DLGAP2: variants seen among roughly 807,000 people sequenced by gnomAD.
DLGAP2 encodes disks large-associated protein 2.
Under a neutral mutation model 100.3 loss-of-function variants are expected in DLGAP2, and 26 were observed. The ratio of observed to expected loss-of-function variants is 0.26; its 90% CI spans 0.19 to 0.36. The LOEUF is 0.36. Ranked by LOEUF, DLGAP2 falls within the 10% of genes least tolerant of loss-of-function variation. DLGAP2 has a pLI of 1.00. For missense variants in DLGAP2, 1,858 were observed against 1,453.2 expected (o/e 1.28, Z -4.53); for synonymous variants, 886 against 630.1 (o/e 1.41, Z -6.08).
At chr8:1,140,882 G>C (rs997328903) in intron 2 of DLGAP2, among the ~76,000 whole-genome samples, 9 of 152,206 alleles carry the variant, frequency 5.9e-5, no homozygotes, top group African/African-American at 2.2e-4. Flanking sequence ...CAAGGCAGGA[G>C]AATCGGCAGA....
intron 2 of DLGAP2, among the ~76,000 whole-genome samples, chr8:1,010,011 TA>T: frequency 6.6e-6 from 1 of 152,240 alleles, no homozygotes; most frequent in Non-Finnish European, 1.5e-5. Context: ...AGGTACACCT[TA>T]TGCTAAAAAG....
chr8:1,192,825 C>T (rs1038850444), intron 2 of DLGAP2, among the ~76,000 whole-genome samples: 5 of 151,906 alleles, frequency 3.3e-5, no homozygotes, highest in Non-Finnish European at 5.9e-5. Flanking sequence ...CTCCCCACTC[C>T]CCCCACCCCA....
At chr8:1,176,334 C>G (rs11988562) in intron 2 of DLGAP2, among the ~76,000 whole-genome samples, 28,287 of 152,084 alleles carry the variant, frequency 0.19, 2,817 homozygotes, top group Middle Eastern at 0.35. Context: ...TCGCTCCACA[C>G]ATGGGGATTA....
intron 4 of DLGAP2, among the ~76,000 whole-genome samples, chr8:1,531,233 A>AGTGTGT (rs771634448): frequency 6.0e-5 from 7 of 116,728 alleles, no homozygotes; most frequent in African/African-American, 3.3e-4. Flanking sequence ...ATTATTAGAG[A>AGTGTGT]GCGTGTGCGT....
At chr8:1,184,758 C>T (rs902460082) in intron 2 of DLGAP2, among the ~76,000 whole-genome samples, 3 of 152,168 alleles carry the variant, frequency 2.0e-5, no homozygotes, top group African/African-American at 7.2e-5. Context: ...GGGAGGCAAG[C>T]ATGCTGGTGA....
At position 1,261,133 on chromosome 8, in the gene DLGAP2, G is replaced by T. The variant is rs140436438; in HGVS notation, c.106+2250G>T. Among the ~76,000 whole-genome samples the T allele has an allele frequency of 6.2e-3, 943 of 151,208 alleles. 7 individuals carry two copies. The highest frequency in any genetic ancestry group is 0.022 in the African/African-American group (899 of 41,426). On this transcript the variant is annotated intron_variant, in intron 3 of 14. Transcript: ENST00000637795. ...ACTTCCAGATCTTTAAAACCAGACA[G>T]ACTGGGAGGGCAGGTCAGCTTCCAG...
At chr8:1,660,491 T>C (rs893709707) in intron 8 of DLGAP2, among the ~76,000 whole-genome samples, 1 of 152,322 alleles carries the variant, frequency 6.6e-6, no homozygotes, top group Admixed American at 6.5e-5. Flanking sequence ...GTCCCTGGTC[T>C]TCACACACAG....
intron 4 of DLGAP2, among the ~76,000 whole-genome samples, chr8:1,507,198 G>C (rs548150352): frequency 1.8e-4 from 27 of 152,246 alleles, no homozygotes; most frequent in African/African-American, 6.3e-4. Context: ...CGGGCGCCGC[G>C]GAGCAGGGGG....
At chr8:759,894 T>G (rs1263509020) in intron 1 of DLGAP2, among the ~76,000 whole-genome samples, 2 of 152,226 alleles carry the variant, frequency 1.3e-5, no homozygotes, top group Admixed American at 1.3e-4. Flanking sequence ...CAGTGTCAGT[T>G]GACAGCCCAG....
At position 1,389,529 on chromosome 8, in the gene DLGAP2, C is replaced by T. The variant is rs181864538; in HGVS notation, c.107-111837C>T. 1.4e-3 allele frequency among the ~76,000 whole-genome samples: 216 copies of T among 152,224 alleles called. 2 individuals carry two copies. The highest frequency in any genetic ancestry group is 2.5e-3 in the Non-Finnish European group (168 of 68,000). On this transcript the variant is annotated intron_variant, in intron 3 of 14. Coordinates refer to ENST00000637795, the MANE Select transcript of DLGAP2 (RefSeq NM_001346810.2). ...GAGCTGGAAGAGGTGTGGACGAGGCCGCTCGGTGCAGACCACAGGTTTTTA... is the reference window on the plus strand; with the variant it reads ...GAGCTGGAAGAGGTGTGGACGAGGCTGCTCGGTGCAGACCACAGGTTTTTA...
intron 2 of DLGAP2, among the ~76,000 whole-genome samples, chr8:1,094,024 G>C (rs559133365): frequency 6.6e-5 from 10 of 150,756 alleles, no homozygotes; most frequent in Non-Finnish European, 1.0e-4. Context: ...GGGCAGCTTC[G>C]CGGTGGGTGG....
intron 4 of DLGAP2, among the ~76,000 whole-genome samples, chr8:1,508,748 C>T (rs1239325074): frequency 1.3e-5 from 2 of 151,142 alleles, no homozygotes; most frequent in African/African-American, 2.4e-5. Context: ...CCGCAGGAGG[C>T]GCTGACGGCG....
At chr8:1,219,956 A>C (rs1214197567) in intron 2 of DLGAP2, among the ~76,000 whole-genome samples, 1 of 151,960 alleles carries the variant, frequency 6.6e-6, no homozygotes, top group African/African-American at 2.4e-5. Context: ...ATCAACAGTA[A>C]TATCCCCTTT....
chr8:760,244 T>C (rs901836878), intron 1 of DLGAP2, among the ~76,000 whole-genome samples: 7 of 152,158 alleles, frequency 4.6e-5, no homozygotes, highest in African/African-American at 1.4e-4. Context: ...GCCTCCTGTC[T>C]CCTCCCTTGC....
rs114396255 is a variant in DLGAP2, at chr8:849,578, A to G, written c.19-58334A>G. Among the ~76,000 whole-genome samples the G allele has an allele frequency of 7.9e-3, 1,201 of 152,244 alleles. 16 individuals carry two copies. Among genetic ancestry groups the G allele is most frequent in the African/African-American group, 0.028 (1,145 of 41,540 alleles). On this transcript the variant is annotated intron_variant, in intron 1 of 14. Transcript: ENST00000637795. ...TTTGGGTTTCTACCAGCCTTGCCCG[A>G]AGGTTCCAGCGGTGCAACATCCTTC...
chr8:1,153,162 C>T (rs1272161502), intron 2 of DLGAP2, among the ~76,000 whole-genome samples: 3 of 152,144 alleles, frequency 2.0e-5, no homozygotes, highest in Admixed American at 6.5e-5. Flanking sequence ...GGGCCTGACC[C>T]CTCAGTTTCC....
At chr8:794,763 C>A (rs545099493) in intron 1 of DLGAP2, among the ~76,000 whole-genome samples, 1 of 152,068 alleles carries the variant, frequency 6.6e-6, no homozygotes, top group Non-Finnish European at 1.5e-5. Context: ...TTTTTGGGGG[C>A]CTGCTCCCAA....
chr8:771,772 A>T (rs1209829705), intron 1 of DLGAP2, among the ~76,000 whole-genome samples: 1 of 152,256 alleles, frequency 6.6e-6, no homozygotes, highest in Non-Finnish European at 1.5e-5. Flanking sequence ...AAGTTATGGA[A>T]GTAATTTACA....
rs73671287 is a variant in DLGAP2 at position 1,650,298 on chromosome 8, C to T, written c.1810+17252C>T. On this transcript the variant is annotated intron_variant, in intron 8 of 14. Transcript: ENST00000637795. ...GAAATAGATTTAGAAGCTCCATATA[C>T]ATGAAGAGATAATCATGTTCAAAAA... Among the ~76,000 whole-genome samples, 417 of 152,346 alleles carry T rather than the reference C, an allele frequency of 2.7e-3. 3 individuals carry two copies. The highest frequency in any genetic ancestry group is 9.6e-3 in the African/African-American group (400 of 41,582).
Sources: gnomAD v4.1 joint callset for allele counts (sites outside exome capture counted in the v4.1 genomes callset) on GRCh38, gnomAD v4.1.1 for gene constraint, MANE v1.5 for transcripts, NCBI Gene and HGNC (gene_info 2026-07-23, HGNC 2026-07-21) for gene names.